PTPRM: variants seen among roughly 807,000 people sequenced by gnomAD.
PTPRM encodes the protein receptor-type tyrosine-protein phosphatase mu.
A neutral mutation model predicts 186.7 loss-of-function variants in PTPRM; 47 were observed. The ratio of observed to expected loss-of-function variants is 0.25; its 90% confidence interval spans 0.20 to 0.32. The LOEUF is 0.32. Ranked by LOEUF, PTPRM falls within the 10% of genes least tolerant of loss-of-function variation. The pLI is 1.00. For missense variants in PTPRM, 1,494 were observed against 1,865.0 expected (o/e 0.80, Z 3.66); for synonymous variants, 668 against 674.9 (o/e 0.99, Z 0.16).
chr18:8,145,830 T>G lies in PTPRM; in HGVS notation c.2300+2051T>G, dbSNP rs144785295. Among the ~76,000 whole-genome samples, 542 of 152,312 alleles carry G rather than the reference T, an allele frequency of 3.6e-3. 2 individuals are homozygous for G. Among genetic ancestry groups the G allele is most frequent in the African/African-American group, 0.012 (509 of 41,578 alleles). On this transcript the variant is annotated intron_variant, in intron 14 of 32. Coordinates refer to ENST00000580170, the MANE Select transcript of PTPRM (RefSeq NM_001105244.2). Reference sequence around the variant, plus strand: ...ATCTTTATGGTAGAACAATTTATAATCCTTTGGGTATATTCCCAGTAATGG... The same window carrying G: ...ATCTTTATGGTAGAACAATTTATAAGCCTTTGGGTATATTCCCAGTAATGG...
chr18:7,880,444 G>C (rs1425815286), intron 2 of PTPRM, among the ~76,000 whole-genome samples: 2 of 152,160 alleles, frequency 1.3e-5, no homozygotes, highest in Non-Finnish European at 1.5e-5. Flanking sequence ...TGGGAGAAGA[G>C]AGAATTTTTG....
chr18:8,139,673 C>A (rs770000340), intron 13 of PTPRM, among the ~76,000 whole-genome samples: 5 of 152,136 alleles, frequency 3.3e-5, no homozygotes, highest in Non-Finnish European at 1.5e-5. Context: ...TTCCCTTTTT[C>A]TCCTCCCTGG....
intron 1 of PTPRM, among the ~76,000 whole-genome samples, chr18:7,604,631 G>T (rs553620290): frequency 2.6e-5 from 4 of 152,358 alleles, no homozygotes; most frequent in African/African-American, 7.2e-5. Context: ...TACTCAGAAG[G>T]AGGATGCAAA....
chr18:7,960,387 C>T lies in PTPRM; in HGVS notation c.1132+4973C>T, dbSNP rs182428622. 7.8e-3 allele frequency among the ~76,000 whole-genome samples: 1,165 copies of T among 150,260 alleles called. 6 individuals carry two copies. Among genetic ancestry groups the T allele is most frequent in the South Asian group, 0.029 (138 of 4,710 alleles). On this transcript the variant is annotated intron_variant, in intron 7 of 32. Transcript: ENST00000580170. ...ATTCCAAGCCCTGCCAGTAGAGTGA[C>T]AAGATTTCTGTCTTCAGAACTTATA...
At chr18:7,770,559 A>G (rs377124366) in intron 1 of PTPRM, among the ~76,000 whole-genome samples, 11 of 152,352 alleles carry the variant, frequency 7.2e-5, no homozygotes, top group African/African-American at 2.4e-4. Context: ...TTTAACTGTC[A>G]GAAATACCAT....
At chr18:7,920,120 T>C (rs1169824599) in intron 4 of PTPRM, among the ~76,000 whole-genome samples, 2 of 152,098 alleles carry the variant, frequency 1.3e-5, no homozygotes, top group Non-Finnish European at 2.9e-5. Context: ...AAGAATTTAA[T>C]TGTGTCTTGG....
chr18:7,573,694 A>G (rs2036617185), intron 1 of PTPRM, among the ~76,000 whole-genome samples: 1 of 152,056 alleles, frequency 6.6e-6, no homozygotes. Context: ...GGTTCAAGCG[A>G]TTCTCCTGCC....
At chr18:7,917,413 G>A (rs1172461470) in intron 4 of PTPRM, among the ~76,000 whole-genome samples, 2 of 152,120 alleles carry the variant, frequency 1.3e-5, no homozygotes, top group Non-Finnish European at 2.9e-5. Flanking sequence ...GCAGGCGCCT[G>A]TAGTCCCAGC....
intron 14 of PTPRM, among the ~76,000 whole-genome samples, chr18:8,241,158 C>T (rs952213849): frequency 6.6e-6 from 1 of 151,896 alleles, no homozygotes; most frequent in Non-Finnish European, 1.5e-5. Flanking sequence ...CGAAACCCCA[C>T]CTCTACTAAA....
chr18:8,259,402 G>C lies in PTPRM; in HGVS notation c.2754+5988G>C, dbSNP rs1468637071. 2.6e-5 allele frequency among the ~76,000 whole-genome samples: 4 copies of C among 152,150 alleles called. No individual in the cohort carries two copies. The East Asian group carries it at 7.7e-4, about 29-fold the overall frequency. On this transcript the variant is annotated intron_variant, in intron 19 of 32. Coordinates refer to ENST00000580170, the MANE Select transcript of PTPRM (RefSeq NM_001105244.2). ...TTCAGAATTAGGTACAGCCTATAAAGTTTTCTGAGGAACCTGAATTTTCTT... is the reference window on the plus strand; with the variant it reads ...TTCAGAATTAGGTACAGCCTATAAACTTTTCTGAGGAACCTGAATTTTCTT...
At chr18:8,236,694 A>G (rs2094349337) in intron 14 of PTPRM, among the ~76,000 whole-genome samples, 1 of 151,976 alleles carries the variant, frequency 6.6e-6, no homozygotes, top group African/African-American at 2.4e-5. Flanking sequence ...GGTGTGTGCC[A>G]CTATGTCTGG....
chr18:7,826,029 T>G (rs1375665658), intron 2 of PTPRM, among the ~76,000 whole-genome samples: 2 of 152,178 alleles, frequency 1.3e-5, no homozygotes, highest in Non-Finnish European at 2.9e-5. Context: ...TCAGAGCACC[T>G]TGTTGCTTGT....
intron 2 of PTPRM, among the ~76,000 whole-genome samples, chr18:7,827,811 A>G (rs1011381102): frequency 6.6e-6 from 1 of 152,224 alleles, no homozygotes; most frequent in South Asian, 2.1e-4. Flanking sequence ...CATGTGGTCC[A>G]TGATTGTCAG....
rs34470950 is a variant in PTPRM, at chr18:8,056,751, C to CAAAAA, written c.1133-12925_1133-12921dup. Among the ~76,000 whole-genome samples, 408 of 143,892 alleles carry CAAAAA rather than the reference C, an allele frequency of 2.8e-3. 7 individuals are homozygous for CAAAAA. Among genetic ancestry groups the CAAAAA allele is most frequent in the African/African-American group, 9.7e-3 (383 of 39,382 alleles). 94.4% of individuals were successfully genotyped at this position (143,892 alleles called of 152,430 possible). A position where few individuals can be genotyped will look rare whatever the true frequency, so the allele number is the denominator to read the frequency against. ...AGCCTTGAAATGCAGCCTTTTTTAG[C>CAAAAA]AAAAAAAAAAAAAATGGAACATCTG... On this transcript the variant is annotated intron_variant, in intron 7 of 32. Coordinates refer to ENST00000580170, the MANE Select transcript of PTPRM (RefSeq NM_001105244.2).
chr18:8,280,073 T>G (rs2094884338), intron 19 of PTPRM, among the ~76,000 whole-genome samples: 1 of 149,496 alleles, frequency 6.7e-6, no homozygotes, highest in Non-Finnish European at 1.5e-5. Flanking sequence ...AGTGTACGCA[T>G]CTGCTAGGGC....
intron 14 of PTPRM, among the ~76,000 whole-genome samples, chr18:8,210,355 A>C (rs143136799): frequency 6.6e-6 from 1 of 152,202 alleles, no homozygotes; most frequent in African/African-American, 2.4e-5. Context: ...ACACAGGGAG[A>C]GAATGTGAAG....
intron 14 of PTPRM, among the ~76,000 whole-genome samples, chr18:8,229,986 T>A (rs1356183913): frequency 6.6e-6 from 1 of 152,210 alleles, no homozygotes; most frequent in Non-Finnish European, 1.5e-5. Flanking sequence ...CACTAGGTCA[T>A]CTGAAATAAA....
intron 13 of PTPRM, among the ~76,000 whole-genome samples, chr18:8,140,233 G>A (rs534677442): frequency 1.3e-5 from 2 of 152,106 alleles, no homozygotes; most frequent in South Asian, 2.1e-4. Context: ...TTGTACCCTT[G>A]GATCTTCTGG....
chr18:7,959,649 C>T (rs1198752695), intron 7 of PTPRM, among the ~76,000 whole-genome samples: 1 of 152,208 alleles, frequency 6.6e-6, no homozygotes, highest in African/African-American at 2.4e-5. Flanking sequence ...GCTCTCCATG[C>T]AAGACCTTGA....
Sources: allele counts gnomAD v4.1 joint callset (sites outside exome capture counted in the v4.1 genomes callset), GRCh38; gene constraint gnomAD v4.1.1; transcripts MANE v1.5; gene names NCBI Gene and HGNC (gene_info 2026-07-23, HGNC 2026-07-21).